Variants in NUP205 observed in about 807,000 individuals in gnomAD.
The protein encoded by NUP205 is nuclear pore complex protein Nup205.
Under a neutral mutation model 253.8 loss-of-function variants are expected in NUP205, and 76 were observed. The observed-to-expected ratio is 0.30, with a 90% confidence interval of 0.25 to 0.36. NUP205 has a LOEUF of 0.36. Among genes scored for constraint, NUP205 ranks in the 10% least tolerant of loss-of-function variants. The pLI is 1.00. For missense variants in NUP205, 2,162 were observed against 2,425.5 expected, an observed-to-expected ratio of 0.89 and a Z score of 2.28; for synonymous variants, 832 against 850.1, an observed-to-expected ratio of 0.98 and a Z score of 0.37.
chr7:135,642,128 G>A lies in NUP205; in HGVS notation c.5393-1064G>A, dbSNP rs552795304. On this transcript the variant is annotated intron_variant, in intron 38 of 42. Coordinates refer to ENST00000285968, the MANE Select transcript of NUP205 (RefSeq NM_015135.3). Reference sequence around the variant, plus strand: ...AAAATAACTGGGTGTGGTGGCATGCGCCTGTAATCCCAGCTACTCGGGAGG... The same window carrying A: ...AAAATAACTGGGTGTGGTGGCATGCACCTGTAATCCCAGCTACTCGGGAGG... Among the ~76,000 whole-genome samples the A allele has an allele frequency of 3.3e-4, 50 of 151,900 alleles. No homozygotes were observed. The South Asian group carries it at 9.4e-3, about 28-fold the overall frequency.
At chr7:135,621,152 C>T (rs917007248) in intron 30 of NUP205, among the ~76,000 whole-genome samples, 2 of 152,172 alleles carry the variant, frequency 1.3e-5, no homozygotes, top group Non-Finnish European at 1.5e-5. Context: ...ATCTCATTAT[C>T]CTTATGGTGG....
intron 13 of NUP205, among the ~76,000 whole-genome samples, chr7:135,597,070 A>G (rs2129490421): frequency 6.6e-6 from 1 of 152,260 alleles, no homozygotes; most frequent in South Asian, 2.1e-4. Flanking sequence ...ATTTCATCCC[A>G]TAAATCCTTT....
chr7:135,635,518 T>G lies in NUP205; in HGVS notation c.5060-63T>G, dbSNP rs754300333. On this transcript the variant is annotated intron_variant, in intron 35 of 42. Coordinates refer to ENST00000285968, the MANE Select transcript of NUP205 (RefSeq NM_015135.3). ...CAATATAAAATATTAGAACCTCTCTTCCTAGTTTTTAATGTTTTTGTTTAT... is the reference window on the plus strand; with the variant it reads ...CAATATAAAATATTAGAACCTCTCTGCCTAGTTTTTAATGTTTTTGTTTAT... 5 of 907,516 alleles carry G rather than the reference T, an allele frequency of 5.5e-6. No homozygotes were observed. The East Asian group carries it at 1.0e-4, about 18-fold the overall frequency. 56.2% of individuals were successfully genotyped at this position (907,516 alleles called of 1,614,324 possible). A position where few individuals can be genotyped will look rare whatever the true frequency, so the allele number is the denominator to read the frequency against.
intron 23 of NUP205, among the ~76,000 whole-genome samples, chr7:135,615,298 C>T (rs576198752): frequency 2.2e-4 from 33 of 152,166 alleles, no homozygotes; most frequent in African/African-American, 6.0e-4. Flanking sequence ...CAGTGGCTCG[C>T]GCCTATAATC....
At chr7:135,582,581 T>C (rs2129489970) in intron 7 of NUP205, among the ~76,000 whole-genome samples, 1 of 152,102 alleles carries the variant, frequency 6.6e-6, no homozygotes, top group Middle Eastern at 3.4e-3. Flanking sequence ...CCTCCAGGGC[T>C]CACATGATCC....
rs79603517 is a variant in NUP205 at position 135,617,916 on chromosome 7, A to G, written c.3771+234A>G. Reference sequence around the variant, plus strand: ...CTAGTTAAGGATTTGCAACCTGACCATATTTCGTATTAGACTTCACTTGGT... The same window carrying G: ...CTAGTTAAGGATTTGCAACCTGACCGTATTTCGTATTAGACTTCACTTGGT... On this transcript the variant is annotated intron_variant, in intron 27 of 42. Transcript: ENST00000285968. 5.5e-3 allele frequency among the ~76,000 whole-genome samples: 831 copies of G among 151,464 alleles called. 12 individuals are homozygous for G. Among genetic ancestry groups the G allele is most frequent in the East Asian group, 0.049 (255 of 5,162 alleles).
chr7:135,589,957 A>G (rs1806581228), intron 10 of NUP205, among the ~76,000 whole-genome samples: 1 of 151,232 alleles, frequency 6.6e-6, no homozygotes, highest in African/African-American at 2.4e-5. Context: ...TTCCTTAAAA[A>G]TTTTTAAAGT....
chr7:135,565,046 A>C (rs1054193142), intron 1 of NUP205, among the ~76,000 whole-genome samples: 11 of 152,130 alleles, frequency 7.2e-5, no homozygotes, highest in African/African-American at 2.2e-4. Context: ...TGGCATTACA[A>C]GTGTGAGCCA....
chr7:135,578,087 T>C, intron 6 of NUP205, 63 bp downstream of exon 6: 1 of 1,207,210 alleles, frequency 8.3e-7, no homozygotes, highest in Non-Finnish European at 1.2e-6. Context: ...GGGGATAACA[T>C]TTAAAAAGGG....
Position 135,628,117 on chromosome 7 carries a change from G to C in NUP205, c.4932+6G>C. 6.2e-7 allele frequency: 1 copy of C among 1,606,512 alleles called. No individual in the cohort carries two copies. Among genetic ancestry groups the C allele is most frequent in the South Asian group, 1.1e-5 (1 of 90,334 alleles). ...ACTTGCAGGCAGCAGGGCAGGTAAG[G>C]TGAACCCTTTGTTTAGATATTGTCT... On this transcript the variant is annotated splice_donor_region_variant and intron_variant, in intron 34 of 42. Transcript: ENST00000285968.
chr7:135,587,995 G>C lies in NUP205; in HGVS notation c.1473+3G>C. The C allele has an allele frequency of 6.2e-7, 1 of 1,605,856 alleles. No homozygotes were observed. The highest frequency in any genetic ancestry group is 8.5e-7 in the Non-Finnish European group (1 of 1,177,808). On this transcript the variant is annotated splice_donor_region_variant and intron_variant, in intron 10 of 42. Transcript: ENST00000285968. The stretch of plus-strand genomic sequence containing the variant: ...ATCAGCGGCCCCCTCAACGCCAGGT[G>C]AGTCTTTAGGTTTTCCTCTTTTATA...
At chr7:135,639,707 A>T (rs1234257425) in intron 38 of NUP205, among the ~76,000 whole-genome samples, 5 of 150,636 alleles carry the variant, frequency 3.3e-5, no homozygotes, top group Admixed American at 1.3e-4. Flanking sequence ...AAAAAAAAAA[A>T]TTAGTTTAAC....
chr7:135,588,268 G>T lies in NUP205; in HGVS notation c.1473+276G>T, dbSNP rs189146541. On this transcript the variant is annotated intron_variant, in intron 10 of 42. Transcript: ENST00000285968. ...TGATCCTCCCGCCTCAGCCCCCAGG[G>T]TAGTCGGGACTACAGGCATACACCA... Among the ~76,000 whole-genome samples the T allele has an allele frequency of 1.9e-3, 278 of 142,850 alleles. 7 individuals are homozygous for T. Among genetic ancestry groups the T allele is most frequent in the African/African-American group, 6.8e-3 (266 of 38,858 alleles). 93.7% of individuals were successfully genotyped at this position (142,850 alleles called of 152,430 possible).
In NUP205 at chr7:135,616,700, T is replaced by G. The variant is rs781035611; in HGVS notation, c.3506T>G (p.Phe1169Cys). Reference sequence around the variant, plus strand: ...GATGAAAACAGGTCTGTTTCTGGGTTCCTTCACTTTGACACTGCTACAAAA... The same window carrying G: ...GATGAAAACAGGTCTGTTTCTGGGTGCCTTCACTTTGACACTGCTACAAAA... ...IEDENRSVSGFLHFDTATKVR... is the reference protein window; with the variant it reads ...IEDENRSVSGCLHFDTATKVR... The change falls in exon 25 of 43, where the codon TTC (phenylalanine) becomes TGC (cysteine). Residue 1169 changes from phenylalanine to cysteine, a missense_variant. Phe to Cys is a radical substitution (Grantham distance 205). Around this residue, in one of 5 missense-constraint regions of NUP205, gnomAD observed 1,144 missense variants for 1,280.9 expected, o/e 0.89. Coordinates refer to ENST00000285968, the MANE Select transcript of NUP205 (RefSeq NM_015135.3). 3 of 1,572,410 alleles carry G rather than the reference T, an allele frequency of 1.9e-6. No homozygotes were observed. The South Asian group carries it at 3.6e-5, about 19-fold the overall frequency.
intron 22 of NUP205, among the ~76,000 whole-genome samples, chr7:135,613,123 C>T (rs1256924246): frequency 6.6e-6 from 1 of 151,610 alleles, no homozygotes; most frequent in Non-Finnish European, 1.5e-5. Flanking sequence ...AATATGATAC[C>T]TACCTATTAT....
intron 17 of NUP205, among the ~76,000 whole-genome samples, chr7:135,601,833 A>G (rs1793972888): frequency 6.6e-6 from 1 of 152,206 alleles, no homozygotes; most frequent in African/African-American, 2.4e-5. Flanking sequence ...TATTTTTAAA[A>G]GGACTTACTA....
intron 3 of NUP205, among the ~76,000 whole-genome samples, chr7:135,574,984 T>G (rs1235010124): frequency 6.6e-6 from 1 of 152,210 alleles, no homozygotes; most frequent in Admixed American, 6.5e-5. Context: ...CTAGACATGC[T>G]TGAGTTTTGA....
intron 8 of NUP205, among the ~76,000 whole-genome samples, chr7:135,586,232 T>A (rs1048933422): frequency 3.3e-5 from 5 of 151,916 alleles, no homozygotes; most frequent in African/African-American, 1.2e-4. Context: ...AAATTTGCCC[T>A]TAGGATTCTT....
chr7:135,646,140 CTG>C lies in NUP205; in HGVS notation c.5813-16_5813-15del, dbSNP rs753447570. 2.5e-6 allele frequency: 4 copies of C among 1,587,176 alleles called. No individual in the cohort carries two copies. Among genetic ancestry groups the C allele is most frequent in the African/African-American group, 2.7e-5 (2 of 74,350 alleles). ...AGGTACTTGCACAGCCGGTATGACT[CTG>C]TTTTTTTATCTCTAGATTCCTTCGC... On this transcript the variant is annotated splice_polypyrimidine_tract_variant and intron_variant, in intron 41 of 42. Transcript: ENST00000285968.
Sources: allele counts gnomAD v4.1 joint callset (sites outside exome capture counted in the v4.1 genomes callset), GRCh38; gene constraint gnomAD v4.1.1; regional missense constraint gnomAD v4.1.1; transcripts MANE v1.5; gene names NCBI Gene and HGNC (gene_info 2026-07-23, HGNC 2026-07-21).